Variants in CDH4 observed in about 807,000 individuals in gnomAD.
CDH4 encodes cadherin-4.
Under a neutral mutation model 86.0 loss-of-function variants are expected in CDH4, and 33 were observed. That is an observed-to-expected ratio of 0.38 (90% CI 0.29 to 0.51). The LOEUF (loss-of-function observed/expected upper bound fraction) is 0.51. Among genes scored for constraint, CDH4 ranks in the 20% least tolerant of loss-of-function variants. The pLI, the probability that CDH4 is intolerant of heterozygous loss-of-function variation, is 0.86. For synonymous variants in CDH4, 555 were observed against 549.4 expected (o/e 1.01, Z -0.14); for missense variants, 1,114 against 1,307.4 (o/e 0.85, Z 2.28).
chr20:61,523,364 G>A (rs962350355), intron 2 of CDH4, among the ~76,000 whole-genome samples: 4 of 152,252 alleles, frequency 2.6e-5, no homozygotes, highest in African/African-American at 9.6e-5. Context: ...CCATGCGTTT[G>A]CCACGTGTGA....
chr20:61,551,054 A>T (rs991322368), intron 2 of CDH4, among the ~76,000 whole-genome samples: 12 of 152,238 alleles, frequency 7.9e-5, no homozygotes, highest in African/African-American at 2.7e-4. Flanking sequence ...CTTTAAATTC[A>T]GTTTCCTCAA....
chr20:61,796,306 A>T (rs1979534308), intron 4 of CDH4, among the ~76,000 whole-genome samples: 1 of 152,060 alleles, frequency 6.6e-6, no homozygotes, highest in South Asian at 2.1e-4. Flanking sequence ...TCCAGGGCAC[A>T]TGACAACCGC....
At chr20:61,291,388 C>A (rs1230732334) in intron 2 of CDH4, among the ~76,000 whole-genome samples, 4 of 152,192 alleles carry the variant, frequency 2.6e-5, no homozygotes, top group Non-Finnish European at 4.4e-5. Context: ...CAAGACAGTA[C>A]CGTGGTGTGT....
chr20:61,594,465 T>A (rs962134768), intron 2 of CDH4, among the ~76,000 whole-genome samples: 1 of 152,120 alleles, frequency 6.6e-6, no homozygotes, highest in Non-Finnish European at 1.5e-5. Flanking sequence ...AACAGAACTA[T>A]CACATGTGTG....
chr20:61,381,692 A>G (rs1197062925), intron 2 of CDH4, among the ~76,000 whole-genome samples: 1 of 151,708 alleles, frequency 6.6e-6, no homozygotes, highest in Non-Finnish European at 1.5e-5. Flanking sequence ...AATATCAATT[A>G]CTCACTTTCC....
chr20:61,716,563 G>A (rs1479283387), intron 2 of CDH4, among the ~76,000 whole-genome samples: 1 of 152,186 alleles, frequency 6.6e-6, no homozygotes, highest in African/African-American at 2.4e-5. Flanking sequence ...ACAGAATAGT[G>A]CAGGCTTGTG....
chr20:61,289,679 G>T (rs1253501822), intron 2 of CDH4, among the ~76,000 whole-genome samples: 1 of 151,722 alleles, frequency 6.6e-6, no homozygotes, highest in African/African-American at 2.4e-5. Context: ...AACGAGACTT[G>T]CTGGGTTTAT....
At chr20:61,458,056 C>T (rs897787135) in intron 2 of CDH4, among the ~76,000 whole-genome samples, 1 of 140,214 alleles carries the variant, frequency 7.1e-6, no homozygotes, top group African/African-American at 2.7e-5. Flanking sequence ...CTGGTGGTGG[C>T]AGCGGTGGTG....
chr20:61,807,415 G>A lies in CDH4; in HGVS notation c.576+34233G>A, dbSNP rs73305841. 0.01 allele frequency among the ~76,000 whole-genome samples: 1,568 copies of A among 152,330 alleles called. 23 individuals carry two copies. The highest frequency in any genetic ancestry group is 0.032 in the African/African-American group (1,348 of 41,572). Reference sequence around the variant, plus strand: ...CTCAGCTTCTCGTAACAGGGTGTCTGGGTACCTAAATGTCGGAATTTGAGG... The same window carrying A: ...CTCAGCTTCTCGTAACAGGGTGTCTAGGTACCTAAATGTCGGAATTTGAGG... On this transcript the variant is annotated intron_variant, in intron 4 of 15. Transcript: ENST00000614565. This position sits in a 1 kb window ranked among gnomAD's most constrained non-coding sequence, Gnocchi z 4.5.
intron 2 of CDH4, among the ~76,000 whole-genome samples, chr20:61,726,931 G>T (rs2088120845): frequency 1.3e-5 from 2 of 150,684 alleles, no homozygotes; most frequent in Non-Finnish European, 2.9e-5. Flanking sequence ...CAACATTGCT[G>T]CCATCATCAC....
chr20:61,276,144 A>C (rs2084230605), intron 2 of CDH4, among the ~76,000 whole-genome samples: 1 of 152,216 alleles, frequency 6.6e-6, no homozygotes, highest in Admixed American at 6.5e-5. Flanking sequence ...ACCTGTTTAG[A>C]AAAACTCACA....
intron 2 of CDH4, among the ~76,000 whole-genome samples, chr20:61,600,571 C>T (rs73138671): frequency 0.037 from 5,616 of 152,266 alleles, 137 homozygotes; most frequent in Middle Eastern, 0.092. Flanking sequence ...AGTGCCTCAG[C>T]CCAGGAAGCA....
intron 2 of CDH4, among the ~76,000 whole-genome samples, chr20:61,257,629 A>C (rs1371850407): frequency 6.6e-6 from 1 of 152,234 alleles, no homozygotes; most frequent in Non-Finnish European, 1.5e-5. Flanking sequence ...CTGATCACTG[A>C]TGCATGGCCG....
At chr20:61,696,366 G>T (rs1394450101) in intron 2 of CDH4, among the ~76,000 whole-genome samples, 1 of 152,226 alleles carries the variant, frequency 6.6e-6, no homozygotes, top group Non-Finnish European at 1.5e-5. Context: ...GGAGGAACTG[G>T]GAGGCAGGTG....
rs1049270833 is a variant in CDH4 at position 61,754,102 on chromosome 20, C to T, written c.396+10313C>T. Reference sequence around the variant, plus strand: ...CAAGGATCAGGGAAGATTGTGGCACCACCAGGAGCCAGGAGAGACGCCCAG... The same window carrying T: ...CAAGGATCAGGGAAGATTGTGGCACTACCAGGAGCCAGGAGAGACGCCCAG... On this transcript the variant is annotated intron_variant, in intron 3 of 15. Transcript: ENST00000614565. The surrounding 1 kb of genome is among the most constrained non-coding windows in gnomAD (Gnocchi z 4.7). Among the ~76,000 whole-genome samples, 2 of 152,134 alleles carry T rather than the reference C, an allele frequency of 1.3e-5. No homozygotes were observed. The highest frequency in any genetic ancestry group is 2.9e-5 in the Non-Finnish European group (2 of 68,002).
intron 2 of CDH4, among the ~76,000 whole-genome samples, chr20:61,545,577 T>C (rs13044720): frequency 0.16 from 24,798 of 152,272 alleles, 2,077 homozygotes; most frequent in South Asian, 0.19. Flanking sequence ...CGTGGACTTT[T>C]TTTTCATGAT....
rs544381848 is a variant in CDH4 at position 61,503,881 on chromosome 20, C to T, written c.170-239682C>T. Among the ~76,000 whole-genome samples the T allele has an allele frequency of 1.3e-4, 20 of 152,278 alleles. 1 individual carries two copies. The highest frequency in any genetic ancestry group is 8.5e-4 in the Admixed American group (13 of 15,300). ...TGAGGATTGGCATCTGTTCCCACAG[C>T]GTGAAGGTGTTTTTGCTGTCTGAAC... On this transcript the variant is annotated intron_variant, in intron 2 of 15. Transcript: ENST00000614565.
chr20:61,779,221 T>C (rs1978403897), intron 4 of CDH4, among the ~76,000 whole-genome samples: 1 of 152,246 alleles, frequency 6.6e-6, no homozygotes, highest in Admixed American at 6.5e-5. Context: ...CCAGGGCAAC[T>C]GCAGGAATCA....
chr20:61,382,762 C>T (rs181710942), intron 2 of CDH4, among the ~76,000 whole-genome samples: 4 of 152,248 alleles, frequency 2.6e-5, no homozygotes, highest in African/African-American at 7.2e-5. Flanking sequence ...ATGGCCTTCT[C>T]CCTTCTTGAG....
Sources: gnomAD v4.1 joint callset for allele counts (sites outside exome capture counted in the v4.1 genomes callset) on GRCh38, gnomAD v4.1.1 for gene constraint, Gnocchi (gnomAD v3.1) non-coding constraint, MANE v1.5 for transcripts, NCBI Gene and HGNC (gene_info 2026-07-23, HGNC 2026-07-21) for gene names.